Variants in U2AF2 observed in about 807,000 individuals in gnomAD.
The protein encoded by U2AF2 is U2 small nuclear RNA auxiliary factor 2, also known as splicing factor U2AF 65 kDa subunit.
U2AF2 carries 6 observed loss-of-function variants against 52.6 expected under a neutral mutation model. That is an observed-to-expected ratio of 0.11 (90% CI 0.06 to 0.23). The LOEUF (loss-of-function observed/expected upper bound fraction) is 0.23, where lower values mean the gene tolerates loss of function less well. Ranked by LOEUF, U2AF2 falls within the 10% of genes least tolerant of loss-of-function variation. U2AF2 has a pLI of 1.00. For synonymous variants in U2AF2, 284 were observed against 258.2 expected (o/e 1.10, Z -0.96); for missense variants, 222 against 677.1 (o/e 0.33, Z 7.46).
chr19:55,662,730 G>C, intron 6 of U2AF2, 112 bp downstream of exon 6: 2 of 884,042 alleles, frequency 2.3e-6, no homozygotes, highest in South Asian at 3.1e-5. Context: ...GCCCTCTGCA[G>C]CCTCTTCTCC....
chr19:55,663,620 C>T lies in U2AF2; in HGVS notation c.618C>T (p.Asp206=), dbSNP rs376049723. The change falls in exon 7 of 12, where the codon GAC becomes GAT. Residue 206 remains aspartate, a synonymous_variant. Coordinates refer to ENST00000308924, the MANE Select transcript of U2AF2 (RefSeq NM_007279.3). ...NFAFLEFRSV[D]ETTQAMAFDG... The stretch of plus-strand genomic sequence containing the variant: ...CTTTCATTCAGTTCCGCTCAGTGGA[C>T]GAGACTACCCAGGCTATGGCCTTTG... The T allele has an allele frequency of 2.2e-5, 36 of 1,614,068 alleles. No homozygotes were observed. Among genetic ancestry groups the T allele is most frequent in the Admixed American group, 1.5e-4 (9 of 60,000 alleles).
chr19:55,661,071 C>A lies in U2AF2; in HGVS notation c.368C>A (p.Pro123His). ...AGQIPATALL[P>H]TMTPDGLAVT... ...CAGATTCCAGCCACTGCTCTTCTCCCCACCATGACCCCTGACGGTCTGGCT... is the reference window on the plus strand; with the variant it reads ...CAGATTCCAGCCACTGCTCTTCTCCACACCATGACCCCTGACGGTCTGGCT... Residue 123 changes from proline to histidine, a missense_variant, in exon 5 of 12, where the codon CCC becomes CAC. By Grantham distance (77) the Pro-to-His change is moderately conservative. Transcript: ENST00000308924. 1 of 1,595,916 alleles carries A rather than the reference C, an allele frequency of 6.3e-7. No homozygotes were observed. Among genetic ancestry groups the A allele is most frequent in the Non-Finnish European group, 8.6e-7 (1 of 1,165,794 alleles).
Position 55,659,360 on chromosome 19 carries a change from G to T in U2AF2, c.185+15G>T. On this transcript the variant is annotated intron_variant, in intron 2 of 11. Coordinates refer to ENST00000308924, the MANE Select transcript of U2AF2 (RefSeq NM_007279.3). ...CGACGACGCAGGTACTAGGGCTCAG[G>T]GATCCCCTGGGCCAGCCTGGGAGTC... 1.4e-6 allele frequency: 2 copies of T among 1,480,782 alleles called. No homozygotes were observed. Among genetic ancestry groups the T allele is most frequent in the Non-Finnish European group, 1.8e-6 (2 of 1,107,832 alleles). The allele number at this position is 1,480,782 out of a possible 1,614,324, so 91.7% of individuals were successfully genotyped here.
chr19:55,663,457 C>T, intron 6 of U2AF2, 149 bp from the exon 7 acceptor site: 4 of 1,205,028 alleles, frequency 3.3e-6, no homozygotes, highest in Non-Finnish European at 4.6e-6. Context: ...ACATGCGTGT[C>T]TGTTGTACTC....
intron 2 of U2AF2, 26 bp downstream of exon 2, chr19:55,659,371 G>A (rs775368607): frequency 7.5e-6 from 11 of 1,463,384 alleles, no homozygotes; most frequent in Non-Finnish European, 9.1e-6. Flanking sequence ...GATCCCCTGG[G>A]CCAGCCTGGG....
intron 5 of U2AF2, 194 bp downstream of exon 5, chr19:55,661,383 C>A: frequency 1.9e-6 from 1 of 537,350 alleles, no homozygotes; most frequent in East Asian, 3.3e-5. Flanking sequence ...CCCTCCTCTT[C>A]CCCTCTCCCG....
intron 6 of U2AF2, among the ~76,000 whole-genome samples, chr19:55,663,007 T>C (rs1461536238): frequency 1.3e-5 from 2 of 152,164 alleles, no homozygotes; most frequent in Non-Finnish European, 2.9e-5. Context: ...AGCTAACTGA[T>C]GTTCCTAACT....
chr19:55,669,008 G>C lies in U2AF2; in HGVS notation c.946-75G>C, dbSNP rs1031103678. 4.4e-5 allele frequency: 68 copies of C among 1,549,710 alleles called. No homozygotes were observed. The East Asian group carries it at 1.3e-3, about 30-fold the overall frequency. On this transcript the variant is annotated intron_variant, in intron 9 of 11. Coordinates refer to ENST00000308924, the MANE Select transcript of U2AF2 (RefSeq NM_007279.3). Reference sequence around the variant, plus strand: ...CTTCCCCCACCAATGCCCCGGCTTGGGGGTAGGTGTCGGGCTCCTGGTCCC... The same window carrying C: ...CTTCCCCCACCAATGCCCCGGCTTGCGGGTAGGTGTCGGGCTCCTGGTCCC...
At chr19:55,667,890 ATTC>A (rs1348860216) in intron 7 of U2AF2, among the ~76,000 whole-genome samples, 1 of 151,134 alleles carries the variant, frequency 6.6e-6, no homozygotes, top group Non-Finnish European at 1.5e-5. Context: ...GGTTCACGCC[ATTC>A]TTCTGCCTCA....
At position 55,668,973 on chromosome 19, in the gene U2AF2, GCCTTCC is replaced by G. The variant is rs1394334125; in HGVS notation, c.946-106_946-101del. 1 of 1,485,110 alleles carries G rather than the reference GCCTTCC, an allele frequency of 6.7e-7. No homozygotes were observed. Among genetic ancestry groups the G allele is most frequent in the Non-Finnish European group, 9.1e-7 (1 of 1,098,212 alleles). 92.0% of individuals were successfully genotyped at this position (1,485,110 alleles called of 1,614,324 possible). On this transcript the variant is annotated intron_variant, in intron 9 of 11. Transcript: ENST00000308924. This position sits in a 1 kb window ranked among gnomAD's most constrained non-coding sequence, Gnocchi z 5.5. ...TTTTTCCAGGCTCTTAATCCCCTTT[GCCTTCC>G]CCTCTTCCCCCACCAATGCCCCGGC...
At chr19:55,669,741 T>C in intron 11 of U2AF2, 49 bp downstream of exon 11, 7 of 1,530,010 alleles carry the variant, frequency 4.6e-6, no homozygotes, top group Non-Finnish European at 6.2e-6. Context: ...CCCCTCCTCT[T>C]CTCCGCGCCC....
chr19:55,659,125 G>T, intron 1 of U2AF2, 85 bp from the exon 2 acceptor site: 1 of 1,409,142 alleles, frequency 7.1e-7, no homozygotes, highest in East Asian at 2.7e-5. Flanking sequence ...CCTGGGGCTT[G>T]GGACATAGCC....
At chr19:55,655,663 A>C (rs1346479913) in intron 1 of U2AF2, among the ~76,000 whole-genome samples, 1 of 152,140 alleles carries the variant, frequency 6.6e-6, no homozygotes, top group Admixed American at 6.5e-5. Flanking sequence ...ATGAGGGCAG[A>C]GCCGTTTCGG....
intron 5 of U2AF2, chr19:55,661,396 T>G: frequency 2.0e-6 from 1 of 494,178 alleles, no homozygotes. Context: ...CTCTCCCGTC[T>G]CCCCTCCCCC....
At chr19:55,671,030 C>T (rs975771283) in intron 11 of U2AF2, among the ~76,000 whole-genome samples, 4 of 152,102 alleles carry the variant, frequency 2.6e-5, no homozygotes, top group African/African-American at 4.8e-5. Context: ...CCAGATCGGG[C>T]GTGGGGGCCT....
chr19:55,668,878 ACGGGG>A lies in U2AF2; in HGVS notation c.945+91_945+95del. ...AGCCATGGTCTCCCCTCCTCAGGGG[ACGGGG>A]CGGGAGGCGGCCAACCTGAGGCAGT... On this transcript the variant is annotated intron_variant, in intron 9 of 11. Coordinates refer to ENST00000308924, the MANE Select transcript of U2AF2 (RefSeq NM_007279.3). This position sits in a 1 kb window ranked among gnomAD's most constrained non-coding sequence, Gnocchi z 5.5. The A allele has an allele frequency of 1.3e-6, 2 of 1,551,056 alleles. No individual in the cohort carries two copies. The highest frequency in any genetic ancestry group is 1.7e-6 in the Non-Finnish European group (2 of 1,146,692).
chr19:55,663,784 T>C (rs1984369850), intron 7 of U2AF2, 40 bp downstream of exon 7: 1 of 1,610,878 alleles, frequency 6.2e-7, no homozygotes, highest in Non-Finnish European at 8.5e-7. Context: ...TCTCCCCCAG[T>C]CCTGTTCCCA....
At chr19:55,660,372 GC>G in intron 3 of U2AF2, 143 bp from the exon 4 acceptor site, 2 of 1,100,784 alleles carry the variant, frequency 1.8e-6, no homozygotes, top group South Asian at 1.5e-5. Flanking sequence ...CCCAGGCCCT[GC>G]CCCAGACCCT....
chr19:55,662,892 A>C lies in U2AF2; in HGVS notation c.603+274A>C, dbSNP rs113238272. On this transcript the variant is annotated intron_variant, in intron 6 of 11. Coordinates refer to ENST00000308924, the MANE Select transcript of U2AF2 (RefSeq NM_007279.3). ...ACCATTCCGGCCCAGTCCTCTCTGC[A>C]CTCTGGCCACACTGACCTTCCCAGA... is the stretch of plus-strand genomic sequence containing the variant. Among the ~76,000 whole-genome samples the C allele has an allele frequency of 3.5e-3, 524 of 151,720 alleles. 1 individual carries two copies. Among genetic ancestry groups the C allele is most frequent in the Non-Finnish European group, 6.5e-3 (442 of 67,886 alleles).
Sources: gnomAD v4.1 joint callset for allele counts (sites outside exome capture counted in the v4.1 genomes callset) on GRCh38, gnomAD v4.1.1 for gene constraint, Gnocchi (gnomAD v3.1) non-coding constraint, MANE v1.5 for transcripts, NCBI Gene and HGNC (gene_info 2026-07-23, HGNC 2026-07-21) for gene names.